KCNN1: variants seen among roughly 807,000 people sequenced by gnomAD.
KCNN1 encodes the protein potassium calcium-activated channel subfamily N member 1.
KCNN1 carries 20 observed loss-of-function variants against 44.7 expected under a neutral mutation model. The ratio of observed to expected loss-of-function variants is 0.45; its 90% CI spans 0.32 to 0.65. KCNN1 has a LOEUF of 0.65. Among genes scored for constraint, KCNN1 ranks in the 30% least tolerant of loss-of-function variants. KCNN1 has a pLI of 0.05. For synonymous variants in KCNN1, 324 were observed against 341.7 expected (o/e 0.95, Z 0.57); for missense variants, 632 against 785.3 (o/e 0.80, Z 2.33).
intron 1 of KCNN1, among the ~76,000 whole-genome samples, chr19:17,970,436 G>A (rs2031979464): frequency 6.7e-6 from 1 of 149,870 alleles, no homozygotes; most frequent in South Asian, 2.1e-4. Context: ...TTGTGCCTCA[G>A]CCTCCCAAGT....
At chr19:17,989,653 CA>C in intron 6 of KCNN1, 62 bp from the exon 7 acceptor site, 1 of 1,608,570 alleles carries the variant, frequency 6.2e-7, no homozygotes, top group Non-Finnish European at 8.5e-7. Flanking sequence ...AGATTCTAGA[CA>C]TTTCTGGAGC....
chr19:17,986,799 T>C (rs1203102549), intron 5 of KCNN1, among the ~76,000 whole-genome samples: 2 of 151,940 alleles, frequency 1.3e-5, no homozygotes, highest in African/African-American at 2.4e-5. Context: ...ACCTGGCCCA[T>C]GCCTGACTTT....
rs368902413 is a variant in KCNN1 at position 17,975,113 on chromosome 19, C to T, written c.424C>T (p.Leu142Phe). 2 of 1,613,720 alleles carry T rather than the reference C, an allele frequency of 1.2e-6. No homozygotes were observed. Among genetic ancestry groups the T allele is most frequent in the Non-Finnish European group, 1.7e-6 (2 of 1,179,746 alleles). Residue 142 changes from leucine to phenylalanine, a missense_variant, in exon 3 of 10, where the codon CTC becomes TTC. By Grantham distance (22) the Leu-to-Phe change is conservative (BLOSUM62 0). This residue lies in a region of KCNN1 where 235 missense variants were observed against 224.0 expected (regional missense o/e 1.05). Transcript: ENST00000684775. ...CCAGGAGTCTCTGTACTCATTCGCACTCAAATGCCTCATCAGCCTCTCCAC... is the reference window on the plus strand; with the variant it reads ...CCAGGAGTCTCTGTACTCATTCGCATTCAAATGCCTCATCAGCCTCTCCAC... ...YTKESLYSFA[L>F]KCLISLSTAI...
chr19:17,997,084 TA>T (rs2033022568), intron 9 of KCNN1, among the ~76,000 whole-genome samples: 1 of 152,100 alleles, frequency 6.6e-6, no homozygotes, highest in Non-Finnish European at 1.5e-5. Context: ...CCCCTGCCCA[TA>T]GGGGGACAGT....
Position 17,998,375 on chromosome 19 carries a change from G to A in KCNN1, c.1601G>A (p.Trp534Ter), listed in dbSNP as rs1173853044. 1 of 1,497,358 alleles carries A rather than the reference G, an allele frequency of 6.7e-7. No individual in the cohort carries two copies. Among genetic ancestry groups the A allele is most frequent in the East Asian group, 2.4e-5 (1 of 41,186 alleles). The allele number at this position is 1,497,358 out of a possible 1,614,324, so 92.8% of individuals were successfully genotyped here. ...GCAGCCCGGAGCTCCCCCTGCCGGT[G>A]GACGCCCGTGGCCCCCTCGGACTGC... Reference protein sequence around the residue: ...DQAARSSPCRWTPVAPSDCG With the variant: ...DQAARSSPCR The change falls in exon 10 of 10, where the codon TGG becomes TAG. Residue 534 changes from tryptophan to a stop codon, truncating the protein, a stop_gained. Transcript: ENST00000684775. LOFTEE classifies it high-confidence loss of function. This position sits in a 1 kb window ranked among gnomAD's most constrained non-coding sequence, Gnocchi z 5.4.
intron 3 of KCNN1, among the ~76,000 whole-genome samples, chr19:17,975,640 C>T (rs958138290): frequency 1.1e-4 from 17 of 151,928 alleles, no homozygotes; most frequent in African/African-American, 4.1e-4. Flanking sequence ...AGGCTGGTCT[C>T]GAACTCCTGA....
chr19:17,974,645 G>T lies in KCNN1; in HGVS notation c.402+355G>T, dbSNP rs937603178. 1.3e-5 allele frequency among the ~76,000 whole-genome samples: 2 copies of T among 152,182 alleles called. No homozygotes were observed. The highest frequency in any genetic ancestry group is 4.8e-5 in the African/African-American group (2 of 41,448). ...GAGAGTGAGTGCGTCCAGGTTACAAGCCTGGCTGTGGGTTCCCTCATGCCA... is the reference window on the plus strand; with the variant it reads ...GAGAGTGAGTGCGTCCAGGTTACAATCCTGGCTGTGGGTTCCCTCATGCCA... On this transcript the variant is annotated intron_variant, in intron 2 of 9. Transcript: ENST00000684775. This position sits in a 1 kb window ranked among gnomAD's most constrained non-coding sequence, Gnocchi z 7.3.
intron 9 of KCNN1, among the ~76,000 whole-genome samples, chr19:17,994,725 G>T (rs1188676618): frequency 6.6e-6 from 1 of 152,122 alleles, no homozygotes; most frequent in Non-Finnish European, 1.5e-5. Context: ...TGTACTTTTA[G>T]TAGAGACGGG....
In KCNN1 at chr19:17,996,835, C is replaced by T. The variant is rs370466942; in HGVS notation, c.1378-1317C>T. On this transcript the variant is annotated intron_variant, in intron 9 of 9. Transcript: ENST00000684775. ...CTGATGGAGGGAAAAGGGTAGGGGG[C>T]ACAGTGGAGGAAGCTGGGAGGAAGA... Among the ~76,000 whole-genome samples the T allele has an allele frequency of 6.6e-5, 10 of 152,216 alleles. No homozygotes were observed. The East Asian group carries it at 1.2e-3, about 18-fold the overall frequency.
At chr19:17,986,445 G>A (rs1186772245) in intron 5 of KCNN1, among the ~76,000 whole-genome samples, 1 of 152,020 alleles carries the variant, frequency 6.6e-6, no homozygotes, top group Non-Finnish European at 1.5e-5. Flanking sequence ...CTTTCGGGGT[G>A]TTCCCTGAGT....
chr19:17,979,864 G>GA (rs201626682), intron 3 of KCNN1, among the ~76,000 whole-genome samples: 315 of 149,472 alleles, frequency 2.1e-3, no homozygotes, highest in African/African-American at 7.2e-3. Context: ...CGTGAAAAAG[G>GA]AAAAAAAAAG....
At chr19:17,966,968 G>C (rs1333053191), upstream of KCNN1, among the ~76,000 whole-genome samples, 1 of 151,280 alleles carries the variant, frequency 6.6e-6, no homozygotes, top group Non-Finnish European at 1.5e-5. Context: ...ATGCCGGGGG[G>C]TTGCAGGGGG....
chr19:17,954,068 G>T (rs1211659838), intron 1 of KCNN1, among the ~76,000 whole-genome samples: 1 of 152,194 alleles, frequency 6.6e-6, no homozygotes, highest in Non-Finnish European at 1.5e-5. Context: ...GTGGCCTTAG[G>T]GAGGGGACAT....
chr19:17,961,205 A>AAT (rs2031669763), intron 2 of KCNN1, among the ~76,000 whole-genome samples: 1 of 150,908 alleles, frequency 6.6e-6, no homozygotes, highest in African/African-American at 2.4e-5. Flanking sequence ...AAAAAAAAAA[A>AAT]ACCCAGAAAC....
At chr19:17,967,951 A>T (rs1397594399) in intron 1 of KCNN1, among the ~76,000 whole-genome samples, 1 of 151,190 alleles carries the variant, frequency 6.6e-6, no homozygotes, top group Admixed American at 6.6e-5. Flanking sequence ...GCGGGTGGTG[A>T]TGGGGGGATC....
chr19:17,992,605 A>T (rs1465935994), intron 7 of KCNN1, among the ~76,000 whole-genome samples: 1 of 152,162 alleles, frequency 6.6e-6, no homozygotes, highest in East Asian at 1.9e-4. Context: ...CGTCTCAAAA[A>T]AAACAAAGGG....
chr19:17,994,613 A>G (rs895139538), intron 9 of KCNN1, among the ~76,000 whole-genome samples: 2 of 151,666 alleles, frequency 1.3e-5, no homozygotes, highest in South Asian at 2.1e-4. Context: ...GCGTGATCTC[A>G]GCTCACTGCA....
At chr19:17,960,841 T>C (rs2031659918) in intron 2 of KCNN1, among the ~76,000 whole-genome samples, 1 of 151,890 alleles carries the variant, frequency 6.6e-6, no homozygotes, top group Non-Finnish European at 1.5e-5. Context: ...TCACATGACC[T>C]TCTCCCTGTT....
At position 17,973,158 on chromosome 19, in the gene KCNN1, C is replaced by T. The variant is rs573026970; in HGVS notation, c.-81-650C>T. 3.3e-5 allele frequency among the ~76,000 whole-genome samples: 5 copies of T among 152,160 alleles called. No homozygotes were observed. In the East Asian group the frequency reaches 5.8e-4, roughly 18 times the overall value. On this transcript the variant is annotated intron_variant, in intron 1 of 9. Coordinates refer to ENST00000684775, the MANE Select transcript of KCNN1 (RefSeq NM_001386974.1). ...TTTTGTTTTTGTTTTTTTTAGAGAT[C>T]GGCTCTAGTTATGTTGTCCAGGCTG...
Sources: gnomAD v4.1 joint callset for allele counts (sites outside exome capture counted in the v4.1 genomes callset) on GRCh38, gnomAD v4.1.1 for gene constraint, gnomAD v4.1.1 regional missense constraint, Gnocchi (gnomAD v3.1) non-coding constraint, MANE v1.5 for transcripts, NCBI Gene and HGNC (gene_info 2026-07-23, HGNC 2026-07-21) for gene names.